Variants in CCT8 observed in about 807,000 individuals in gnomAD.
CCT8 encodes chaperonin containing TCP1 subunit 8.
In CCT8, 10 loss-of-function variants were observed where a neutral mutation model predicts 65.7. That is an observed-to-expected ratio of 0.15 (90% CI 0.09 to 0.26). The LOEUF is 0.26. Ranked by LOEUF, CCT8 falls within the 10% of genes least tolerant of loss-of-function variation. The pLI, the probability that CCT8 is intolerant of heterozygous loss-of-function variation, is 1.00. For missense variants in CCT8, 568 were observed against 669.1 expected (o/e 0.85, Z 1.67); for synonymous variants, 199 against 221.8 (o/e 0.90, Z 0.92).
chr21:29,060,746 AAAT>A, intron 13 of CCT8, 86 bp from the exon 14 acceptor site: 3 of 1,413,982 alleles, frequency 2.1e-6, no homozygotes, highest in Non-Finnish European at 3.0e-6. Flanking sequence ...ATAGCTCCTT[AAAT>A]AGTACTGGAA....
intron 1 of CCT8, chr21:29,072,255 T>C: frequency 3.2e-6 from 1 of 313,120 alleles, no homozygotes; most frequent in Non-Finnish European, 5.8e-6. Flanking sequence ...CTTTCATCAT[T>C]ATTTGGAATT....
chr21:29,072,451 G>T (rs1442410387), intron 1 of CCT8, among the ~76,000 whole-genome samples: 3 of 152,066 alleles, frequency 2.0e-5, no homozygotes, highest in Non-Finnish European at 4.4e-5. Context: ...TTCCAAAACT[G>T]TATTAGTGAA....
intron 11 of CCT8, 98 bp from the exon 12 acceptor site, chr21:29,061,665 AC>A (rs1327237274): frequency 1.7e-6 from 2 of 1,162,358 alleles, no homozygotes; most frequent in African/African-American, 3.1e-5. Context: ...CCAGTACCCC[AC>A]CAAACAGGAG....
At chr21:29,062,291 G>C in intron 10 of CCT8, 37 bp downstream of exon 10, 1 of 1,603,056 alleles carries the variant, frequency 6.2e-7, no homozygotes, top group African/African-American at 1.3e-5. Context: ...AGAAGCTAAA[G>C]CCCTACACTT....
intron 4 of CCT8, 87 bp downstream of exon 4, chr21:29,067,469 A>T: frequency 9.5e-7 from 1 of 1,056,690 alleles, no homozygotes; most frequent in Non-Finnish European, 1.3e-6. Flanking sequence ...GTTAGCTACT[A>T]CTATAATAAT....
intron 14 of CCT8, among the ~76,000 whole-genome samples, chr21:29,057,627 A>T (rs906370987): frequency 6.4e-4 from 91 of 141,624 alleles, no homozygotes; most frequent in Non-Finnish European, 1.2e-3. Context: ...TATATATATA[A>T]AATATATATA....
intron 3 of CCT8, among the ~76,000 whole-genome samples, chr21:29,067,973 G>A (rs1013518542): frequency 6.6e-6 from 1 of 152,078 alleles, no homozygotes. Context: ...CCACACATAT[G>A]TTTCACCATA....
intron 8 of CCT8, chr21:29,062,763 T>TACC: frequency 1.7e-6 from 1 of 593,356 alleles, no homozygotes; most frequent in Non-Finnish European, 3.0e-6. Flanking sequence ...TGGCCAATAG[T>TACC]ACCACATCTT....
chr21:29,067,627 C>T lies in CCT8; in HGVS notation c.310G>A (p.Val104Ile). The change falls in exon 4 of 15, where the codon GTT becomes ATT. Residue 104 changes from valine (V) to isoleucine (I), a missense_variant. Physicochemically the swap from Val to Ile is conservative, Grantham distance 29 (BLOSUM62 3). Transcript: ENST00000286788. ...AGGAGAGCTCCAGCAAATACCAGAA[C>T]AAAGTTTGTGCCATCTCCAACTTCT... is the stretch of plus-strand genomic sequence containing the variant. ...EQEVGDGTNFVLVFAGALLEL... is the reference protein window; with the variant it reads ...EQEVGDGTNFILVFAGALLEL... 1 of 1,423,910 alleles carries T rather than the reference C, an allele frequency of 7.0e-7. No individual in the cohort carries two copies. The highest frequency in any genetic ancestry group is 9.2e-7 in the Non-Finnish European group (1 of 1,089,204). The allele number at this position is 1,423,910 out of a possible 1,614,324, so 88.2% of individuals were successfully genotyped here. A position where few individuals can be genotyped will look rare whatever the true frequency, so the allele number is the denominator to read the frequency against.
intron 4 of CCT8, among the ~76,000 whole-genome samples, 197 bp downstream of exon 4, chr21:29,067,359 T>TA (rs376344894): frequency 3.3e-5 from 5 of 152,314 alleles, no homozygotes; most frequent in African/African-American, 1.2e-4. Flanking sequence ...AAAATGGGAT[T>TA]ATAAGGCCTC....
intron 2 of CCT8, among the ~76,000 whole-genome samples, chr21:29,069,705 C>T (rs1167272993): frequency 6.6e-6 from 1 of 152,158 alleles, no homozygotes; most frequent in Non-Finnish European, 1.5e-5. Context: ...TTCTTTCTTC[C>T]CTTTCTAATG....
chr21:29,065,878 C>T (rs916587879), intron 6 of CCT8, among the ~76,000 whole-genome samples: 1 of 151,908 alleles, frequency 6.6e-6, no homozygotes, highest in Admixed American at 6.6e-5. Context: ...GTCAGGAGTT[C>T]GAGACCAGCC....
chr21:29,064,150 TG>T (rs1296399206), intron 7 of CCT8, among the ~76,000 whole-genome samples: 1 of 151,984 alleles, frequency 6.6e-6, no homozygotes, highest in Non-Finnish European at 1.5e-5. Flanking sequence ...AATACAACAT[TG>T]TGGTTCTCAA....
rs752852837 is a variant in CCT8, at chr21:29,061,550, G to A, written c.1230C>T (p.Pro410=). 4.6e-5 allele frequency: 75 copies of A among 1,613,618 alleles called. No individual in the cohort carries two copies. The highest frequency in any genetic ancestry group is 4.3e-4 in the South Asian group (39 of 91,076). ...ATTCAATTTCTGTTGCTCCACCTCC[G>A]GGTACAAGACGTTTATCCTGTATGT... ...KVLTRDKRLV[P]GGGATEIELA... is the part of the protein sequence containing the mutation. The change falls in exon 12 of 15, where the codon CCC becomes CCT. Residue 410 remains proline (P), a synonymous_variant. Coordinates refer to ENST00000286788, the MANE Select transcript of CCT8 (RefSeq NM_006585.4).
chr21:29,071,866 C>T lies in CCT8; in HGVS notation c.61-1529G>A, dbSNP rs577997570. The T allele has an allele frequency of 8.7e-6, 6 of 687,432 alleles. No individual in the cohort carries two copies. In the South Asian group the frequency reaches 9.3e-5, roughly 11 times the overall value. 42.6% of individuals were successfully genotyped at this position (687,432 alleles called of 1,614,324 possible). On this transcript the variant is annotated intron_variant, in intron 1 of 14. Coordinates refer to ENST00000286788, the MANE Select transcript of CCT8 (RefSeq NM_006585.4). ...TAAGACCCTTCAATGGTTTCCCAAC[C>T]AGCTTAGGATAAAATGCAAATCCCT...
chr21:29,073,233 C>G, intron 1 of CCT8: 1 of 1,282,434 alleles, frequency 7.8e-7, no homozygotes, highest in Non-Finnish European at 1.0e-6. Flanking sequence ...GGCCTTAGCC[C>G]CATTTACGGA....
chr21:29,064,028 G>A (rs2085592878), intron 7 of CCT8, among the ~76,000 whole-genome samples: 4 of 152,152 alleles, frequency 2.6e-5, no homozygotes. Flanking sequence ...GCCTATGCTG[G>A]GATTACAGGC....
chr21:29,067,635 G>A lies in CCT8; in HGVS notation c.302C>T (p.Thr101Ile), dbSNP rs372066334. The A allele has an allele frequency of 9.2e-6, 13 of 1,415,352 alleles. No homozygotes were observed. In the African/African-American group the frequency reaches 1.8e-4, roughly 19 times the overall value. 87.7% of individuals were successfully genotyped at this position (1,415,352 alleles called of 1,614,324 possible). The change falls in exon 4 of 15, where the codon ACA (threonine) becomes ATA (isoleucine). Residue 101 changes from threonine (T) to isoleucine (I), a missense_variant. Coordinates refer to ENST00000286788, the MANE Select transcript of CCT8 (RefSeq NM_006585.4). ...HMQEQEVGDG[T>I]NFVLVFAGAL... ...TCCAGCAAATACCAGAACAAAGTTT[G>A]TGCCATCTCCAACTTCTTGCTCTTG...
chr21:29,056,871 G>A (rs1316543855), intron 14 of CCT8, among the ~76,000 whole-genome samples: 3 of 152,040 alleles, frequency 2.0e-5, no homozygotes, highest in East Asian at 1.9e-4. Context: ...GGTGTAAGTC[G>A]GTCAGTTTGG....
Sources: gnomAD v4.1 joint callset for allele counts (sites outside exome capture counted in the v4.1 genomes callset) on GRCh38, gnomAD v4.1.1 for gene constraint, MANE v1.5 for transcripts, NCBI Gene and HGNC (gene_info 2026-07-23, HGNC 2026-07-21) for gene names.